EIF4H: variants seen among roughly 807,000 people sequenced by gnomAD.
The protein encoded by EIF4H is eukaryotic translation initiation factor 4H.
Under a neutral mutation model 30.6 loss-of-function variants are expected in EIF4H, and 8 were observed. The ratio of observed to expected loss-of-function variants is 0.26; its 90% confidence interval spans 0.15 to 0.47. EIF4H has a LOEUF of 0.47. Among genes scored for constraint, EIF4H ranks in the 20% least tolerant of loss-of-function variants. The pLI is 0.99. For missense variants in EIF4H, 188 were observed against 339.5 expected, an observed-to-expected ratio of 0.55 and a Z score of 3.51; for synonymous variants, 106 against 122.7, an observed-to-expected ratio of 0.86 and a Z score of 0.90.
At position 74,174,670 on chromosome 7, in the gene EIF4H, C is replaced by T. The variant is rs533699826; in HGVS notation, c.59+228C>T. Among the ~76,000 whole-genome samples, 13 of 121,472 alleles carry T rather than the reference C, an allele frequency of 1.1e-4. 1 individual carries two copies. The East Asian group carries it at 3.6e-3, about 34-fold the overall frequency. The allele number at this position is 121,472 out of a possible 152,430, so 79.7% of individuals were successfully genotyped here. A position where few individuals can be genotyped will look rare whatever the true frequency, so the allele number is the denominator to read the frequency against. The stretch of plus-strand genomic sequence containing the variant: ...TTGCGGGGCGGATCCCTTCCACTGC[C>T]TCCCGCCAACGACAACGTGTTGGTT... On this transcript the variant is annotated intron_variant, in intron 1 of 6. Transcript: ENST00000265753.
intron 5 of EIF4H, among the ~76,000 whole-genome samples, chr7:74,192,113 T>C (rs1801233416): frequency 3.3e-5 from 5 of 152,176 alleles, no homozygotes; most frequent in Admixed American, 3.3e-4. Context: ...TCCTTGTTCA[T>C]CTGCTTCACC....
At position 74,195,162 on chromosome 7, in the gene EIF4H, C is replaced by A; in HGVS notation, c.608-7C>A. On this transcript the variant is annotated splice_region_variant and splice_polypyrimidine_tract_variant and intron_variant, in intron 6 of 6. Transcript: ENST00000265753. Reference sequence around the variant, plus strand: ...CACTCTGACAAACTCTGCTTTTTCTCCCCCAGAGGAAAGAGCACAGAGACC... The same window carrying A: ...CACTCTGACAAACTCTGCTTTTTCTACCCCAGAGGAAAGAGCACAGAGACC... The A allele has an allele frequency of 6.2e-7, 1 of 1,613,220 alleles. No homozygotes were observed. The highest frequency in any genetic ancestry group is 8.5e-7 in the Non-Finnish European group (1 of 1,179,526).
At chr7:74,190,518 G>GT (rs1554709773) in intron 5 of EIF4H, among the ~76,000 whole-genome samples, 8 of 152,258 alleles carry the variant, frequency 5.3e-5, no homozygotes, top group Admixed American at 5.2e-4. Context: ...GGTCACCTTT[G>GT]TTAGCCTGCA....
At chr7:74,187,950 C>T in intron 2 of EIF4H, 152 bp downstream of exon 2, 1 of 865,804 alleles carries the variant, frequency 1.2e-6, no homozygotes, top group Non-Finnish European at 1.7e-6. Context: ...AGAAACATAA[C>T]TCTTCAACTC....
chr7:74,182,221 C>G (rs781949571), intron 1 of EIF4H, among the ~76,000 whole-genome samples: 5 of 152,126 alleles, frequency 3.3e-5, no homozygotes, highest in African/African-American at 4.8e-5. Context: ...ATATAGTGAC[C>G]TGTATACCCA....
chr7:74,187,039 G>A lies in EIF4H; in HGVS notation c.60-572G>A, dbSNP rs1412025085. 3.9e-5 allele frequency among the ~76,000 whole-genome samples: 6 copies of A among 152,092 alleles called. No individual in the cohort carries two copies. In the East Asian group the frequency reaches 5.8e-4, roughly 15 times the overall value. On this transcript the variant is annotated intron_variant, in intron 1 of 6. Coordinates refer to ENST00000265753, the MANE Select transcript of EIF4H (RefSeq NM_022170.2). Reference sequence around the variant, plus strand: ...CCATTTCTGTATTTCTTAGAACCACGGTGTGTGAAGGAGGGTACTTGCTTA... The same window carrying A: ...CCATTTCTGTATTTCTTAGAACCACAGTGTGTGAAGGAGGGTACTTGCTTA...
At chr7:74,194,696 A>C (rs1801300647) in intron 5 of EIF4H, 45 bp from the exon 6 acceptor site, 1 of 1,525,264 alleles carries the variant, frequency 6.6e-7, no homozygotes, top group Non-Finnish European at 8.8e-7. Context: ...AGCAGCTTGG[A>C]GACGATAGTT....
intron 1 of EIF4H, among the ~76,000 whole-genome samples, chr7:74,175,118 C>T (rs1458018830): frequency 6.6e-6 from 1 of 152,224 alleles, no homozygotes; most frequent in Non-Finnish European, 1.5e-5. Context: ...TTTCATTTCT[C>T]CTTGGTTTCT....
In EIF4H at chr7:74,195,691, A is replaced by G. The variant is rs1801332653; in HGVS notation, c.*383A>G. The stretch of plus-strand genomic sequence containing the variant: ...CCTTTGCTTTCTCTTTACTTTAGAC[A>G]CTGGCCCAACTCCAGGCGTTTCCTT... On this transcript the variant is annotated 3_prime_UTR_variant, in exon 7 of 7. Coordinates refer to ENST00000265753, the MANE Select transcript of EIF4H (RefSeq NM_022170.2). 3 of 170,636 alleles carry G rather than the reference A, an allele frequency of 1.8e-5. No homozygotes were observed. The highest frequency in any genetic ancestry group is 3.1e-4 in the South Asian group (2 of 6,468). 10.6% of individuals were successfully genotyped at this position (170,636 alleles called of 1,614,324 possible).
chr7:74,183,535 C>G (rs141503953), intron 1 of EIF4H, among the ~76,000 whole-genome samples: 1 of 152,324 alleles, frequency 6.6e-6, no homozygotes, highest in African/African-American at 2.4e-5. Context: ...CTACATCAAG[C>G]TAGCTAAGGT....
At chr7:74,178,857 C>T (rs1408967005) in intron 1 of EIF4H, among the ~76,000 whole-genome samples, 1 of 152,188 alleles carries the variant, frequency 6.6e-6, no homozygotes, top group Non-Finnish European at 1.5e-5. Flanking sequence ...AGTTTCCCCA[C>T]GTCATGATTT....
intron 1 of EIF4H, among the ~76,000 whole-genome samples, chr7:74,180,359 C>T (rs1230432222): frequency 2.0e-5 from 3 of 152,192 alleles, no homozygotes; most frequent in African/African-American, 7.2e-5. Context: ...AGCCATCATG[C>T]TTGTGTATGC....
At position 74,190,094 on chromosome 7, in the gene EIF4H, C is replaced by T. The variant is rs1423087852; in HGVS notation, c.410-153C>T. On this transcript the variant is annotated intron_variant, in intron 4 of 6. Transcript: ENST00000265753. ...ATGGCTGATGCTTCTGCAAGCCTGG[C>T]GTTTTTTGTTTTCTGTTGGAAGCAA... is the stretch of plus-strand genomic sequence containing the variant. 8.1e-6 allele frequency: 9 copies of T among 1,115,118 alleles called. No homozygotes were observed. The South Asian group carries it at 9.8e-5, about 12-fold the overall frequency. 69.1% of individuals were successfully genotyped at this position (1,115,118 alleles called of 1,614,324 possible).
At chr7:74,180,964 AGCCTCAAGGGATACTCCT>A (rs1433111034) in intron 1 of EIF4H, among the ~76,000 whole-genome samples, 1 of 152,144 alleles carries the variant, frequency 6.6e-6, no homozygotes, top group Admixed American at 6.5e-5. Flanking sequence ...GTCTTGAACT[AGCCTCAAGGGATACTCCT>A]GCCTTGACCT....
chr7:74,183,057 G>T (rs1282386039), intron 1 of EIF4H, among the ~76,000 whole-genome samples: 3 of 152,192 alleles, frequency 2.0e-5, no homozygotes, highest in African/African-American at 7.2e-5. Context: ...TCTTAGGTTT[G>T]TGCCTTCTCT....
At chr7:74,183,899 A>G (rs190944699) in intron 1 of EIF4H, 1 of 152,428 alleles carries the variant, frequency 6.6e-6, no homozygotes, top group East Asian at 1.9e-4. Flanking sequence ...CCCCCTAGTG[A>G]TTTCATTGAA....
chr7:74,194,233 A>C (rs1308313705), intron 5 of EIF4H, among the ~76,000 whole-genome samples: 4 of 152,246 alleles, frequency 2.6e-5, no homozygotes, highest in Non-Finnish European at 5.9e-5. Flanking sequence ...AGAATGGCCC[A>C]CACCTAAAAC....
chr7:74,181,388 G>A (rs1358397143), intron 1 of EIF4H, among the ~76,000 whole-genome samples: 2 of 151,918 alleles, frequency 1.3e-5, no homozygotes, highest in African/African-American at 4.8e-5. Context: ...GGCTACCGTA[G>A]TAGATGTATC....
chr7:74,189,130 C>T (rs1430365662), intron 2 of EIF4H, among the ~76,000 whole-genome samples: 1 of 152,170 alleles, frequency 6.6e-6, no homozygotes, highest in Non-Finnish European at 1.5e-5. Context: ...ATCAGGGACA[C>T]AGGTTGTCAG....
Sources: gnomAD v4.1 joint callset for allele counts (sites outside exome capture counted in the v4.1 genomes callset) on GRCh38, gnomAD v4.1.1 for gene constraint, MANE v1.5 for transcripts, NCBI Gene and HGNC (gene_info 2026-07-23, HGNC 2026-07-21) for gene names.